Variants in PDGFRL observed in about 807,000 individuals in gnomAD.
The protein encoded by PDGFRL is platelet-derived growth factor receptor-like protein.
In PDGFRL, 46 loss-of-function variants were observed where a neutral mutation model predicts 37.2. The observed-to-expected ratio is 1.24, with a 90% CI of 0.98 to 1.58. The LOEUF is 1.58. PDGFRL is among the 40% of genes most tolerant of loss of function. PDGFRL has a pLI of 0.00. For synonymous variants in PDGFRL, 251 were observed against 184.3 expected, an observed-to-expected ratio of 1.36 and a Z score of -2.93; for missense variants, 692 against 467.6, an observed-to-expected ratio of 1.48 and a Z score of -4.43.
chr8:17,622,506 C>G (rs1287328919), intron 3 of PDGFRL, among the ~76,000 whole-genome samples: 1 of 152,180 alleles, frequency 6.6e-6, no homozygotes, highest in Non-Finnish European at 1.5e-5. Flanking sequence ...ATGTATTTGT[C>G]CTTTCCTGCC....
At chr8:17,623,230 T>C (rs531334587) in intron 3 of PDGFRL, among the ~76,000 whole-genome samples, 1 of 152,354 alleles carries the variant, frequency 6.6e-6, no homozygotes, top group African/African-American at 2.4e-5. Flanking sequence ...CTTGAACCTT[T>C]TGTAGGACAA....
At chr8:17,590,635 C>G (rs1238116349) in intron 2 of PDGFRL, among the ~76,000 whole-genome samples, 3 of 151,766 alleles carry the variant, frequency 2.0e-5, no homozygotes, top group East Asian at 3.9e-4. Flanking sequence ...TCGCTTGAAC[C>G]CGGGATGCAG....
chr8:17,611,674 G>A, intron 2 of PDGFRL, among the ~76,000 whole-genome samples: 1 of 152,200 alleles, frequency 6.6e-6, no homozygotes, highest in East Asian at 1.9e-4. Flanking sequence ...GAGCAAAGGA[G>A]CTGGAATACC....
At chr8:17,631,267 C>T (rs1218141670) in intron 4 of PDGFRL, among the ~76,000 whole-genome samples, 1 of 152,236 alleles carries the variant, frequency 6.6e-6, no homozygotes, top group East Asian at 1.9e-4. Context: ...ACTGTAGTCC[C>T]TCAAAGGTGA....
chr8:17,583,542 T>A (rs1040547785), intron 1 of PDGFRL, among the ~76,000 whole-genome samples: 2 of 152,122 alleles, frequency 1.3e-5, no homozygotes, highest in African/African-American at 4.8e-5. Context: ...TTGCAGTATT[T>A]GAAAGACATG....
intron 2 of PDGFRL, among the ~76,000 whole-genome samples, chr8:17,604,579 C>G (rs112640086): frequency 6.6e-6 from 1 of 150,924 alleles, no homozygotes; most frequent in African/African-American, 2.4e-5. Context: ...ATACCGGGGA[C>G]TGTTGTGGGG....
At chr8:17,626,276 A>T (rs115985104) in intron 3 of PDGFRL, among the ~76,000 whole-genome samples, 2,550 of 152,300 alleles carry the variant, frequency 0.017, 58 homozygotes, top group African/African-American at 0.058. Flanking sequence ...TGAACTCATG[A>T]ACATTAGGCA....
chr8:17,628,383 A>C, intron 3 of PDGFRL, 104 bp from the exon 4 acceptor site: 2 of 777,152 alleles, frequency 2.6e-6, no homozygotes, highest in South Asian at 3.4e-5. Flanking sequence ...GGCCTTTCCT[A>C]CTCCTAAGGA....
intron 4 of PDGFRL, among the ~76,000 whole-genome samples, 155 bp from the exon 5 acceptor site, chr8:17,633,919 C>T (rs1342363866): frequency 3.3e-5 from 5 of 152,136 alleles, no homozygotes; most frequent in African/African-American, 1.2e-4. Context: ...CAAAGGAAGC[C>T]CCAAGTTGTG....
At chr8:17,581,147 G>A (rs1455646707) in intron 1 of PDGFRL, among the ~76,000 whole-genome samples, 1 of 152,120 alleles carries the variant, frequency 6.6e-6, no homozygotes, top group Non-Finnish European at 1.5e-5. Flanking sequence ...GTAAGACAGG[G>A]TGAGACATGG....
intron 5 of PDGFRL, among the ~76,000 whole-genome samples, chr8:17,637,472 A>G (rs991597583): frequency 6.6e-6 from 1 of 152,156 alleles, no homozygotes; most frequent in Non-Finnish European, 1.5e-5. Context: ...TTGGTTAGCT[A>G]GTATTTTGTT....
chr8:17,582,700 C>T (rs1270058198), intron 1 of PDGFRL, among the ~76,000 whole-genome samples: 1 of 152,038 alleles, frequency 6.6e-6, no homozygotes, highest in Admixed American at 6.6e-5. Context: ...AATCTGAAGC[C>T]TGGCCATGTG....
At chr8:17,617,734 C>A (rs112660123) in intron 2 of PDGFRL, among the ~76,000 whole-genome samples, 17 of 152,330 alleles carry the variant, frequency 1.1e-4, no homozygotes, top group African/African-American at 4.1e-4. Context: ...ACTAAAGATA[C>A]AGCATGCAGA....
chr8:17,618,143 C>T (rs115429535), intron 2 of PDGFRL, among the ~76,000 whole-genome samples: 2,297 of 152,192 alleles, frequency 0.015, 50 homozygotes, highest in African/African-American at 0.052. Context: ...ATTGCAGCCT[C>T]GACCTCCTGG....
intron 1 of PDGFRL, among the ~76,000 whole-genome samples, chr8:17,579,572 T>TTATTAC (rs1313349121): frequency 6.7e-6 from 1 of 149,078 alleles, no homozygotes; most frequent in Non-Finnish European, 1.5e-5. Context: ...ATTATTATTA[T>TTATTAC]TATTATTATT....
In PDGFRL at chr8:17,628,786, C is replaced by A; in HGVS notation, c.799+6C>A. ...CCAGCTGCTCTATGTGGCGGGTAAG[C>A]CTGGCCACCCCTGCCTAGATTCTAG... On this transcript the variant is annotated splice_donor_region_variant and intron_variant, in intron 4 of 5. Transcript: ENST00000251630. 1.9e-6 allele frequency: 3 copies of A among 1,602,302 alleles called. No individual in the cohort carries two copies. The highest frequency in any genetic ancestry group is 2.6e-6 in the Non-Finnish European group (3 of 1,169,690).
chr8:17,583,328 A>G (rs1246227948), intron 1 of PDGFRL, among the ~76,000 whole-genome samples: 1 of 152,056 alleles, frequency 6.6e-6, no homozygotes, highest in Non-Finnish European at 1.5e-5. Flanking sequence ...AAACAAACAG[A>G]CATTCAACTC....
Position 17,628,654 on chromosome 8 carries a change from T to C in PDGFRL, c.673T>C (p.Tyr225His), listed in dbSNP as rs1804787538. Residue 225 changes from tyrosine (Y) to histidine (H), a missense_variant, in exon 4 of 6, where the codon TAT becomes CAT. Coordinates refer to ENST00000251630, the MANE Select transcript of PDGFRL (RefSeq NM_001372073.1). ...EIPANGTDIVYDMKRGFVYLQ... is the reference protein window; with the variant it reads ...EIPANGTDIVHDMKRGFVYLQ... Reference sequence around the variant, plus strand: ...CCCAGCCAATGGAACGGACATTGTTTATGACATGAAGCGGGGCTTTGTGTA... The same window carrying C: ...CCCAGCCAATGGAACGGACATTGTTCATGACATGAAGCGGGGCTTTGTGTA... 1 of 1,614,200 alleles carries C rather than the reference T, an allele frequency of 6.2e-7. No homozygotes were observed. Among genetic ancestry groups the C allele is most frequent in the Non-Finnish European group, 8.5e-7 (1 of 1,180,028 alleles).
At chr8:17,577,363 C>T (rs1563499790) in intron 1 of PDGFRL, 56 bp downstream of exon 1, 1 of 1,438,678 alleles carries the variant, frequency 7.0e-7, no homozygotes, top group African/African-American at 1.4e-5. Context: ...TAGCCGGGAC[C>T]CGAAGCCCCC....
Sources: gnomAD v4.1 joint callset for allele counts (sites outside exome capture counted in the v4.1 genomes callset) on GRCh38, gnomAD v4.1.1 for gene constraint, MANE v1.5 for transcripts, NCBI Gene and HGNC (gene_info 2026-07-23, HGNC 2026-07-21) for gene names.